TRMT11: variants seen among roughly 807,000 people sequenced by gnomAD.
The protein encoded by TRMT11 is tRNA methyltransferase 11.
In TRMT11, 53 loss-of-function variants were observed where a neutral mutation model predicts 62.8. The observed-to-expected ratio is 0.84, with a 90% CI of 0.68 to 1.06. The LOEUF (loss-of-function observed/expected upper bound fraction) is 1.06. TRMT11 is among the 50% of genes least tolerant of loss of function. The probability of loss-of-function intolerance (pLI) is 0.00; values close to 1 mark genes in which losing one functional copy is unlikely to be tolerated. For synonymous variants in TRMT11, 188 were observed against 190.3 expected, an observed-to-expected ratio of 0.99 and a Z score of 0.10; for missense variants, 556 against 553.4, an observed-to-expected ratio of 1.00 and a Z score of -0.05.
At chr6:126,151,806 T>TTTTTTCTTTC (rs1554242198) in intron 21 of TRMT11, among the ~76,000 whole-genome samples, 18 of 86,954 alleles carry the variant, frequency 2.1e-4, no homozygotes, top group Non-Finnish European at 3.6e-4. Context: ...CCTCTCTGTC[T>TTTTTTCTTTC]TTTCTTTCTT....
intron 17 of TRMT11, among the ~76,000 whole-genome samples, chr6:126,093,631 A>ATATATATATATATATATTTTTT (rs1554236842): frequency 1.0e-5 from 1 of 98,016 alleles, no homozygotes; most frequent in African/African-American, 4.4e-5. Context: ...ATATATATAT[A>ATATATATATATATATATTTTTT]TTTTCCCCCA....
chr6:126,057,739 C>T (rs773162119), intron 17 of TRMT11, among the ~76,000 whole-genome samples: 16 of 152,188 alleles, frequency 1.1e-4, no homozygotes, highest in Non-Finnish European at 2.1e-4. Context: ...TGCCTTCAGT[C>T]CGTCAAACAC....
chr6:126,215,950 G>T, the TRMT11 span, among the ~76,000 whole-genome samples: 3 of 151,924 alleles, frequency 2.0e-5, no homozygotes, highest in African/African-American at 7.2e-5. Context: ...GACTTAAAAA[G>T]TTGTAGTTTT....
intron 21 of TRMT11, among the ~76,000 whole-genome samples, chr6:126,125,914 A>C (rs1254552533): frequency 6.6e-6 from 1 of 152,142 alleles, no homozygotes; most frequent in African/African-American, 2.4e-5. Context: ...TCTTTCTCCG[A>C]AACACACATG....
intron 1 of TRMT11, among the ~76,000 whole-genome samples, chr6:126,190,808 G>A (rs997344904): frequency 1.3e-5 from 2 of 152,058 alleles, no homozygotes; most frequent in African/African-American, 4.8e-5. Flanking sequence ...ATCCTATTGT[G>A]TCTACATACC....
At chr6:126,088,270 G>C (rs1488994071) in intron 17 of TRMT11, among the ~76,000 whole-genome samples, 1 of 152,102 alleles carries the variant, frequency 6.6e-6, no homozygotes, top group Non-Finnish European at 1.5e-5. Context: ...ATCAGACTGT[G>C]ACCGTCTTCA....
intron 17 of TRMT11, among the ~76,000 whole-genome samples, chr6:126,072,547 T>C (rs1197247244): frequency 6.6e-6 from 1 of 152,184 alleles, no homozygotes; most frequent in Admixed American, 6.6e-5. Flanking sequence ...GTCTGTAAAA[T>C]AGCATATATT....
rs1363733332 is a variant in TRMT11 at position 126,177,721 on chromosome 6, A to G, written n.143+386A>G. ...ATAAATACTATACACAGCTGAGCTC[A>G]GAAGGGTGCTCTGACCTTTTTTTTC... On this transcript the variant is annotated intron_variant and non_coding_transcript_variant, in intron 1 of 3. Coordinates refer to the TRMT11 transcript ENST00000444229. 2.0e-5 allele frequency among the ~76,000 whole-genome samples: 3 copies of G among 152,132 alleles called. No homozygotes were observed. In the East Asian group the frequency reaches 5.8e-4, roughly 29 times the overall value.
chr6:125,998,629 G>A lies in TRMT11; in HGVS notation c.467G>A (p.Gly156Asp). The A allele has an allele frequency of 6.2e-7, 1 of 1,613,428 alleles. No individual in the cohort carries two copies. The highest frequency in any genetic ancestry group is 1.1e-5 in the South Asian group (1 of 91,012). Residue 156 changes from glycine to aspartate, a missense_variant, in exon 6 of 13, where the codon GGT becomes GAT. By Grantham distance (94) the Gly-to-Asp change is moderately conservative. Transcript: ENST00000334379. ...QHVFSVLEDY[G>D]LDPNCIPENP... is the part of the protein sequence containing the mutation. ...GTATTTTCTGTTTTGGAGGATTATG[G>A]TTTAGACCCAAACTGCATCCCTGAG...
At chr6:126,121,116 G>A (rs534348585) in intron 21 of TRMT11, among the ~76,000 whole-genome samples, 3 of 152,176 alleles carry the variant, frequency 2.0e-5, no homozygotes, top group South Asian at 4.1e-4. Flanking sequence ...CTTATATGGT[G>A]TTTTCATATT....
chr6:126,233,159 A>G, the TRMT11 span, among the ~76,000 whole-genome samples: 8,045 of 152,296 alleles, frequency 0.053, 631 homozygotes, highest in African/African-American at 0.18. Flanking sequence ...ATCACATTGA[A>G]GAGATCACAT....
the TRMT11 span, among the ~76,000 whole-genome samples, chr6:126,241,733 G>A: frequency 7.5e-4 from 114 of 152,228 alleles, no homozygotes; most frequent in African/African-American, 2.7e-3. Flanking sequence ...GACCTTTGAC[G>A]AAATACAACA....
At chr6:126,041,786 G>A (rs1583835410), downstream of TRMT11, among the ~76,000 whole-genome samples, 1 of 152,152 alleles carries the variant, frequency 6.6e-6, no homozygotes, top group South Asian at 2.1e-4. Flanking sequence ...TTGTTGACCT[G>A]CTTGACCAAA....
At chr6:126,037,090 T>C (rs1775327868) in intron 12 of TRMT11, among the ~76,000 whole-genome samples, 1 of 152,096 alleles carries the variant, frequency 6.6e-6, no homozygotes, top group South Asian at 2.1e-4. Flanking sequence ...GTCCATCACC[T>C]ATATTCTCAG....
intron 21 of TRMT11, among the ~76,000 whole-genome samples, chr6:126,163,551 G>A (rs1200069187): frequency 6.6e-6 from 1 of 152,188 alleles, no homozygotes; most frequent in Non-Finnish European, 1.5e-5. Flanking sequence ...TTGGTATCAG[G>A]ATGATGCTGG....
rs1425154742 is a variant in TRMT11, at chr6:126,143,519, T to G, written c.*1823+27664T>G. Reference sequence around the variant, plus strand: ...TGCAGATTTTCTTTTTCTTTTATTTTTGGATAATTTCATCAGATTTGGAAA... The same window carrying G: ...TGCAGATTTTCTTTTTCTTTTATTTGTGGATAATTTCATCAGATTTGGAAA... On this transcript the variant is annotated intron_variant and NMD_transcript_variant, in intron 21 of 22. Coordinates refer to the TRMT11 transcript ENST00000648977. Among the ~76,000 whole-genome samples the G allele has an allele frequency of 1.5e-4, 23 of 152,184 alleles. 1 individual carries two copies. Among genetic ancestry groups the G allele is most frequent in the Admixed American group, 1.4e-3 (22 of 15,258 alleles).
the TRMT11 span, among the ~76,000 whole-genome samples, chr6:126,269,068 C>T: frequency 1.3e-5 from 2 of 150,744 alleles, no homozygotes; most frequent in Non-Finnish European, 1.5e-5. Context: ...GAGACCATCC[C>T]GGCTAAAAAA....
At chr6:126,151,822 C>CTTTCTTTG (rs1778048319) in intron 21 of TRMT11, among the ~76,000 whole-genome samples, 1 of 112,312 alleles carries the variant, frequency 8.9e-6, no homozygotes, top group African/African-American at 3.7e-5. Context: ...TTCTTTCTTT[C>CTTTCTTTG]TTTCTTTCTT....
At chr6:126,230,363 A>C in the TRMT11 span, among the ~76,000 whole-genome samples, 2 of 152,166 alleles carry the variant, frequency 1.3e-5, no homozygotes, top group African/African-American at 2.4e-5. Context: ...AAAAGGAATG[A>C]ATCTCTGGCT....
Sources: gnomAD v4.1 joint callset for allele counts (sites outside exome capture counted in the v4.1 genomes callset) on GRCh38, gnomAD v4.1.1 for gene constraint, MANE v1.5 for transcripts, NCBI Gene and HGNC (gene_info 2026-07-23, HGNC 2026-07-21) for gene names.